The following ADCY8 variants were observed in gnomAD, a reference collection of about 807,000 sequenced individuals.
The protein encoded by ADCY8 is adenylate cyclase 8, also known as adenylate cyclase type 8.
In ADCY8, 51 loss-of-function variants were observed where a neutral mutation model predicts 119.7. The observed-to-expected ratio is 0.43, with a 90% CI of 0.34 to 0.54. ADCY8 has a LOEUF of 0.54. Among genes scored for constraint, ADCY8 ranks in the 20% least tolerant of loss-of-function variants. The pLI is 0.03. For missense variants in ADCY8, 1,383 were observed against 1,598.8 expected, an observed-to-expected ratio of 0.87 and a Z score of 2.30; for synonymous variants, 665 against 651.0, an observed-to-expected ratio of 1.02 and a Z score of -0.33.
At chr8:130,811,345 A>G (rs762695408) in intron 14 of ADCY8, among the ~76,000 whole-genome samples, 20 of 152,136 alleles carry the variant, frequency 1.3e-4, no homozygotes, top group Non-Finnish European at 2.5e-4. Flanking sequence ...ACAAACCCCA[A>G]TGCTTTTAGG....
In ADCY8 at chr8:131,033,346, T is replaced by C. The variant is rs200127713; in HGVS notation, c.960+6028A>G. Among the ~76,000 whole-genome samples the C allele has an allele frequency of 2.0e-4, 31 of 152,304 alleles. No homozygotes were observed. The East Asian group carries it at 4.2e-3, about 21-fold the overall frequency. On this transcript the variant is annotated intron_variant, in intron 1 of 17. Coordinates refer to ENST00000286355, the MANE Select transcript of ADCY8 (RefSeq NM_001115.3). The stretch of plus-strand genomic sequence containing the variant: ...AGCACTGAATATGGAATAAACTCTT[T>C]TTAAAAATATTTCATTTTTTTGCTT...
At chr8:130,842,730 G>A (rs117374803) in intron 11 of ADCY8, among the ~76,000 whole-genome samples, 6 of 151,914 alleles carry the variant, frequency 3.9e-5, no homozygotes, top group East Asian at 3.9e-4. Context: ...AACTTAGCTC[G>A]GTGTGTTGGT....
chr8:130,855,152 T>G (rs1817686074), intron 9 of ADCY8, among the ~76,000 whole-genome samples: 1 of 151,122 alleles, frequency 6.6e-6, no homozygotes, highest in African/African-American at 2.4e-5. Flanking sequence ...TAATTTTTGC[T>G]TTGGGGGCTA....
At chr8:130,854,241 TG>T in intron 9 of ADCY8, among the ~76,000 whole-genome samples, 1 of 152,336 alleles carries the variant, frequency 6.6e-6, no homozygotes, top group Admixed American at 6.5e-5. Flanking sequence ...TTTGCATTGT[TG>T]GTGCACATAA....
chr8:130,790,333 G>C (rs1353673977), intron 15 of ADCY8, among the ~76,000 whole-genome samples: 1 of 152,166 alleles, frequency 6.6e-6, no homozygotes, highest in Non-Finnish European at 1.5e-5. Context: ...TGATTTAGGA[G>C]GGTGAAACGT....
chr8:130,864,203 C>T (rs1240903024), intron 9 of ADCY8, among the ~76,000 whole-genome samples: 2 of 152,116 alleles, frequency 1.3e-5, no homozygotes, highest in Non-Finnish European at 2.9e-5. Flanking sequence ...AGGCAGTGTC[C>T]TTCCTTCTGG....
chr8:130,995,991 A>G (rs1822761444), intron 1 of ADCY8, among the ~76,000 whole-genome samples: 1 of 152,154 alleles, frequency 6.6e-6, no homozygotes, highest in Non-Finnish European at 1.5e-5. Context: ...AGTTCTAGAT[A>G]TTTGATAAAT....
intron 8 of ADCY8, 81 bp downstream of exon 8, chr8:130,884,483 C>T (rs1013349630): frequency 6.9e-7 from 1 of 1,459,138 alleles, no homozygotes; most frequent in African/African-American, 1.4e-5. Flanking sequence ...AAAACCACAG[C>T]CCCTGGGCTC....
intron 9 of ADCY8, among the ~76,000 whole-genome samples, chr8:130,852,517 C>T (rs753682158): frequency 3.3e-5 from 5 of 152,056 alleles, no homozygotes; most frequent in African/African-American, 4.8e-5. Flanking sequence ...AGAGAGGGGG[C>T]CAATTGCAAG....
At chr8:130,901,821 C>A (rs1819613841) in intron 7 of ADCY8, among the ~76,000 whole-genome samples, 1 of 151,988 alleles carries the variant, frequency 6.6e-6, no homozygotes, top group South Asian at 2.1e-4. Context: ...TGGGTTACAT[C>A]CAGGCAAAAC....
At position 130,887,745 on chromosome 8, in the gene ADCY8, G is replaced by C. The variant is rs542248297; in HGVS notation, c.1912-2984C>G. 1.9e-3 allele frequency among the ~76,000 whole-genome samples: 293 copies of C among 152,092 alleles called. 1 individual carries two copies. Among genetic ancestry groups the C allele is most frequent in the African/African-American group, 6.8e-3 (282 of 41,500 alleles). The stretch of plus-strand genomic sequence containing the variant: ...CACTGCAAAGGCTACATGTCTTTGG[G>C]GGTGACTATGATTTGGGATTATCTG... On this transcript the variant is annotated intron_variant, in intron 7 of 17. Coordinates refer to ENST00000286355, the MANE Select transcript of ADCY8 (RefSeq NM_001115.3).
At chr8:130,893,153 A>G (rs759443263) in intron 7 of ADCY8, among the ~76,000 whole-genome samples, 3 of 152,204 alleles carry the variant, frequency 2.0e-5, no homozygotes, top group Non-Finnish European at 4.4e-5. Context: ...ACACTCATTT[A>G]GATCCGACCA....
intron 7 of ADCY8, among the ~76,000 whole-genome samples, chr8:130,896,814 G>A (rs1234870642): frequency 2.0e-5 from 3 of 152,164 alleles, no homozygotes; most frequent in Non-Finnish European, 2.9e-5. Context: ...ACTGTAAACA[G>A]TGGATGTCCC....
At position 130,955,993 on chromosome 8, in the gene ADCY8, T is replaced by A. The variant is rs149137965; in HGVS notation, c.1111-3995A>T. On this transcript the variant is annotated intron_variant, in intron 2 of 17. Transcript: ENST00000286355. Reference sequence around the variant, plus strand: ...GACCTCATTGCTACCAAAAATTTAATAATTAGCCAGGCATGGTGGCATGTG... The same window carrying A: ...GACCTCATTGCTACCAAAAATTTAAAAATTAGCCAGGCATGGTGGCATGTG... Among the ~76,000 whole-genome samples the A allele has an allele frequency of 7.7e-3, 1,177 of 152,202 alleles. 20 individuals are homozygous for A. The highest frequency in any genetic ancestry group is 0.026 in the African/African-American group (1,090 of 41,518).
intron 5 of ADCY8, among the ~76,000 whole-genome samples, chr8:130,912,617 G>A (rs1191337033): frequency 2.0e-5 from 3 of 152,168 alleles, no homozygotes; most frequent in African/African-American, 7.2e-5. Context: ...GTAAGGTAAT[G>A]CAAAGCTATT....
chr8:131,038,546 A>G (rs547274234), intron 1 of ADCY8, among the ~76,000 whole-genome samples: 29 of 152,242 alleles, frequency 1.9e-4, no homozygotes, highest in African/African-American at 3.6e-4. Context: ...AACTTTGTTC[A>G]CATAAGCATA....
At chr8:130,841,134 T>C (rs1033865840) in intron 11 of ADCY8, among the ~76,000 whole-genome samples, 1 of 152,150 alleles carries the variant, frequency 6.6e-6, no homozygotes, top group Non-Finnish European at 1.5e-5. Context: ...GGGATGTCTG[T>C]AAATCAGCGA....
chr8:130,969,873 G>A (rs1231435987), intron 2 of ADCY8, among the ~76,000 whole-genome samples: 1 of 151,352 alleles, frequency 6.6e-6, no homozygotes, highest in Admixed American at 6.5e-5. Flanking sequence ...CAACAAGTGA[G>A]TAGTGGGACC....
At chr8:130,985,602 C>T (rs16904393) in intron 2 of ADCY8, among the ~76,000 whole-genome samples, 29,834 of 151,886 alleles carry the variant, frequency 0.2, 5,629 homozygotes, top group African/African-American at 0.5. Context: ...ATAAAGATTC[C>T]AAGGTTCTAC....
Sources: allele counts gnomAD v4.1 joint callset (sites outside exome capture counted in the v4.1 genomes callset), GRCh38; gene constraint gnomAD v4.1.1; transcripts MANE v1.5; gene names NCBI Gene and HGNC (gene_info 2026-07-23, HGNC 2026-07-21).